Variants in CTNNA3 observed in about 807,000 individuals in gnomAD.
CTNNA3 encodes the protein catenin alpha-3.
CTNNA3 carries 76 observed loss-of-function variants against 95.7 expected under a neutral mutation model. The ratio of observed to expected loss-of-function variants is 0.79; its 90% CI spans 0.66 to 0.96. The LOEUF (loss-of-function observed/expected upper bound fraction) is 0.96, where lower values mean the gene tolerates loss of function less well. Ranked by LOEUF, CTNNA3 falls within the 40% of genes least tolerant of loss-of-function variation. The pLI is 0.00. For missense variants in CTNNA3, 1,191 were observed against 1,089.8 expected, an observed-to-expected ratio of 1.09 and a Z score of -1.31; for synonymous variants, 431 against 374.4, an observed-to-expected ratio of 1.15 and a Z score of -1.74.
intron 13 of CTNNA3, among the ~76,000 whole-genome samples, chr10:66,192,756 T>G (rs2086750656): frequency 6.6e-6 from 1 of 152,188 alleles, no homozygotes; most frequent in Non-Finnish European, 1.5e-5. Context: ...CCCAAAACAT[T>G]TTTTTACATT....
chr10:66,855,929 AT>A (rs1256354468), intron 7 of CTNNA3, among the ~76,000 whole-genome samples: 4 of 151,882 alleles, frequency 2.6e-5, no homozygotes, highest in African/African-American at 7.2e-5. Context: ...ACCTGTTTTC[AT>A]TTTTTTAACT....
rs1395766564 is a variant in CTNNA3 at position 67,388,031 on chromosome 10, T to G, written c.579+133811A>C. On this transcript the variant is annotated intron_variant, in intron 5 of 17. Transcript: ENST00000433211. ...TCCTCCTCCAAAGGAACACAGTTCC[T>G]CACCAGCAACGGAACAAAGCTGGAT... Among the ~76,000 whole-genome samples, 15 of 151,080 alleles carry G rather than the reference T, an allele frequency of 9.9e-5. No homozygotes were observed. The East Asian group carries it at 2.4e-3, about 24-fold the overall frequency.
Position 66,596,724 on chromosome 10 carries a change from A to C in CTNNA3, c.1374+24968T>G, listed in dbSNP as rs550207683. ...CAGACAGTAAACACTGAAGGAGATG[A>C]CTCCTTCTTCAAATGTGAAGACACC... On this transcript the variant is annotated intron_variant, in intron 10 of 17. Transcript: ENST00000433211. Among the ~76,000 whole-genome samples, 18 of 152,070 alleles carry C rather than the reference A, an allele frequency of 1.2e-4. 1 individual carries two copies. Among genetic ancestry groups the C allele is most frequent in the African/African-American group, 3.6e-4 (15 of 41,472 alleles).
intron 2 of CTNNA3, among the ~76,000 whole-genome samples, chr10:67,634,498 G>A (rs1839242395): frequency 6.6e-6 from 1 of 152,094 alleles, no homozygotes; most frequent in Admixed American, 6.6e-5. Flanking sequence ...AATGTAAATG[G>A]GCTAAATGTT....
chr10:67,216,712 A>G (rs1864382504), intron 6 of CTNNA3, among the ~76,000 whole-genome samples: 1 of 152,218 alleles, frequency 6.6e-6, no homozygotes, highest in Admixed American at 6.5e-5. Flanking sequence ...ATCATTTGTT[A>G]TCATCTTTAT....
At chr10:67,304,594 G>T (rs559944323) in intron 5 of CTNNA3, among the ~76,000 whole-genome samples, 25 of 151,620 alleles carry the variant, frequency 1.6e-4, no homozygotes, top group East Asian at 1.9e-4. Context: ...ACTATTTTTG[G>T]TTTTTTTTCT....
At chr10:67,204,332 G>A (rs1318311879) in intron 6 of CTNNA3, among the ~76,000 whole-genome samples, 1 of 151,804 alleles carries the variant, frequency 6.6e-6, no homozygotes, top group African/African-American at 2.4e-5. Context: ...GAGTGAGTGA[G>A]TTTTCATGAG....
intron 13 of CTNNA3, among the ~76,000 whole-genome samples, chr10:66,166,835 T>A (rs1261788423): frequency 3.3e-5 from 5 of 152,150 alleles, no homozygotes; most frequent in East Asian, 1.9e-4. Flanking sequence ...AAGAAAAATA[T>A]TCAATGTGTC....
intron 3 of CTNNA3, among the ~76,000 whole-genome samples, chr10:67,569,150 T>TA (rs1018831137): frequency 2.8e-4 from 43 of 152,224 alleles, no homozygotes; most frequent in South Asian, 2.1e-4. Flanking sequence ...TACTAATTGC[T>TA]AAAAAAACGT....
intron 11 of CTNNA3, among the ~76,000 whole-genome samples, chr10:66,434,641 A>T (rs2939913): frequency 0.62 from 94,354 of 151,902 alleles, 31,576 homozygotes; most frequent in East Asian, 0.88. Flanking sequence ...CTTTATTTCT[A>T]TCTCTTGCCT....
At chr10:66,504,011 C>T (rs1037443212) in intron 11 of CTNNA3, among the ~76,000 whole-genome samples, 3 of 151,938 alleles carry the variant, frequency 2.0e-5, no homozygotes, top group South Asian at 2.1e-4. Flanking sequence ...CTAAATCAAG[C>T]GAATTAACAT....
chr10:67,379,797 G>A (rs1294086971), intron 5 of CTNNA3, among the ~76,000 whole-genome samples: 6 of 151,964 alleles, frequency 3.9e-5, no homozygotes, highest in East Asian at 1.9e-4. Context: ...CGAGGCGGGC[G>A]GATCACGAGG....
intron 6 of CTNNA3, among the ~76,000 whole-genome samples, chr10:67,187,540 A>ATC (rs1862911528): frequency 6.7e-6 from 1 of 150,100 alleles, no homozygotes; most frequent in South Asian, 2.1e-4. Context: ...CTCTCTCTTT[A>ATC]TCTCTCTCTC....
chr10:65,982,500 A>G (rs1379290558), intron 16 of CTNNA3, among the ~76,000 whole-genome samples: 1 of 150,472 alleles, frequency 6.6e-6, no homozygotes, highest in Non-Finnish European at 1.5e-5. Flanking sequence ...CCCCACTACT[A>G]GATATCTACC....
At chr10:66,367,530 A>G (rs2092718639) in intron 12 of CTNNA3, among the ~76,000 whole-genome samples, 1 of 149,750 alleles carries the variant, frequency 6.7e-6, no homozygotes, top group African/African-American at 2.4e-5. Flanking sequence ...ACATATGTAC[A>G]TATCTTTAAT....
intron 5 of CTNNA3, among the ~76,000 whole-genome samples, chr10:67,491,919 T>A (rs1848659908): frequency 6.6e-6 from 1 of 152,090 alleles, no homozygotes; most frequent in African/African-American, 2.4e-5. Context: ...TAAAAATGTA[T>A]TTACAATATA....
chr10:67,684,052 C>T (rs1201053292), intron 1 of CTNNA3, among the ~76,000 whole-genome samples: 2 of 152,220 alleles, frequency 1.3e-5, no homozygotes, highest in Admixed American at 6.5e-5. Flanking sequence ...GGGACCTGAG[C>T]GGGTTGCCGC....
At chr10:66,556,125 T>G (rs1241626002) in intron 10 of CTNNA3, among the ~76,000 whole-genome samples, 1 of 152,002 alleles carries the variant, frequency 6.6e-6, no homozygotes, top group East Asian at 1.9e-4. Context: ...TCAACGACAC[T>G]GATAATCAGG....
At chr10:67,502,223 G>A (rs563875775) in intron 5 of CTNNA3, among the ~76,000 whole-genome samples, 62 of 152,184 alleles carry the variant, frequency 4.1e-4, no homozygotes, top group African/African-American at 1.4e-3. Flanking sequence ...TAATGGTCAG[G>A]CCCCTCTCCT....
Sources: gnomAD v4.1 joint callset for allele counts (sites outside exome capture counted in the v4.1 genomes callset) on GRCh38, gnomAD v4.1.1 for gene constraint, MANE v1.5 for transcripts, NCBI Gene and HGNC (gene_info 2026-07-23, HGNC 2026-07-21) for gene names.